Variants in CIT observed in about 807,000 individuals in gnomAD.
The protein encoded by CIT is citron rho-interacting serine/threonine kinase.
In CIT, 79 loss-of-function variants were observed where a neutral mutation model predicts 272.7. That is an observed-to-expected ratio of 0.29 (90% CI 0.24 to 0.35). The LOEUF (loss-of-function observed/expected upper bound fraction) is 0.35, where lower values mean the gene tolerates loss of function less well. Among genes scored for constraint, CIT ranks in the 10% least tolerant of loss-of-function variants. The probability of loss-of-function intolerance (pLI) is 1.00; values close to 1 mark genes in which losing one functional copy is unlikely to be tolerated. For synonymous variants in CIT, 948 were observed against 995.6 expected, an observed-to-expected ratio of 0.95 and a Z score of 0.90; for missense variants, 1,909 against 2,618.3, an observed-to-expected ratio of 0.73 and a Z score of 5.91.
intron 10 of CIT, among the ~76,000 whole-genome samples, chr12:119,801,667 G>A (rs1057106797): frequency 1.5e-4 from 23 of 152,178 alleles, no homozygotes; most frequent in African/African-American, 5.3e-4. Flanking sequence ...CACTAACCAT[G>A]CATCCTTCAA....
chr12:119,709,011 C>T (rs1321679353), intron 39 of CIT, among the ~76,000 whole-genome samples: 1 of 148,396 alleles, frequency 6.7e-6, no homozygotes, highest in East Asian at 1.9e-4. Context: ...AGACAAAAGG[C>T]TGAGGAACCG....
Position 119,694,917 on chromosome 12 carries a change from A to C in CIT, c.5882+2742T>G, listed in dbSNP as rs1281852867. ...AACCTGTTTCTCCATAAAAGCAACA[A>C]GATCACTGGCAGTTGTCAAAATCAA... On this transcript the variant is annotated intron_variant, in intron 46 of 47. Transcript: ENST00000392521. This position sits in a 1 kb window ranked among gnomAD's most constrained non-coding sequence, Gnocchi z 4.5. 1.3e-5 allele frequency among the ~76,000 whole-genome samples: 2 copies of C among 152,206 alleles called. No individual in the cohort carries two copies. The highest frequency in any genetic ancestry group is 2.9e-5 in the Non-Finnish European group (2 of 68,040).
intron 32 of CIT, among the ~76,000 whole-genome samples, chr12:119,716,074 G>T (rs1957451228): frequency 6.6e-6 from 1 of 152,068 alleles, no homozygotes; most frequent in South Asian, 2.1e-4. Flanking sequence ...CCATTTTAAT[G>T]AGTTTAAAAG....
intron 22 of CIT, among the ~76,000 whole-genome samples, chr12:119,755,361 A>G (rs952764710): frequency 6.6e-6 from 1 of 152,194 alleles, no homozygotes; most frequent in African/African-American, 2.4e-5. Flanking sequence ...CCCTTGGAGA[A>G]CTGACTTCAT....
At chr12:119,818,976 C>T (rs553127697) in intron 9 of CIT, among the ~76,000 whole-genome samples, 1 of 152,236 alleles carries the variant, frequency 6.6e-6, no homozygotes, top group South Asian at 2.1e-4. Context: ...TAAGCATAAT[C>T]CCAAAGGCAT....
intron 6 of CIT, 143 bp downstream of exon 6, chr12:119,833,943 A>C: frequency 1.3e-6 from 1 of 796,886 alleles, no homozygotes; most frequent in Non-Finnish European, 1.9e-6. Context: ...GTTTGCTTTC[A>C]GCCAGTTATT....
chr12:119,747,600 G>C (rs1002554618), intron 23 of CIT, among the ~76,000 whole-genome samples: 1 of 146,774 alleles, frequency 6.8e-6, no homozygotes, highest in Non-Finnish European at 1.5e-5. Context: ...AGCACCTGTA[G>C]TCCCAGCTAC....
intron 19 of CIT, among the ~76,000 whole-genome samples, chr12:119,764,070 A>C (rs1399555060): frequency 1.3e-5 from 2 of 152,238 alleles, no homozygotes; most frequent in East Asian, 3.8e-4. Context: ...AATTAACTTA[A>C]GTTTCAGTTT....
chr12:119,865,767 G>A (rs1950495107), intron 3 of CIT, among the ~76,000 whole-genome samples: 1 of 151,384 alleles, frequency 6.6e-6, no homozygotes, highest in East Asian at 1.9e-4. Flanking sequence ...CTACTGAGGA[G>A]GCTGAGGCAG....
chr12:119,784,032 C>T lies in CIT; in HGVS notation c.1421G>A (p.Arg474Gln). Residue 474 changes from arginine (R) to glutamine (Q), a missense_variant, in exon 12 of 48, where the codon CGG (arginine) becomes CAG (glutamine). Arg to Gln is a conservative substitution (Grantham distance 43). Around this residue, in one of 8 missense-constraint regions of CIT, gnomAD observed 26 missense variants for 44.1 expected, o/e 0.59. Transcript: ENST00000392521. The surrounding 1 kb of genome is among the most constrained non-coding windows in gnomAD (Gnocchi z 4.7). The part of the protein sequence containing the change: ...KCHKMEQEMT[R>Q]LHRRVSEVEA... Reference sequence around the variant, plus strand: ...CACCTCTGACACTCTCCGATGTAACCGGGTCATTTCCTGCTCCATCTGAAA... The same window carrying T: ...CACCTCTGACACTCTCCGATGTAACTGGGTCATTTCCTGCTCCATCTGAAA... 1 of 1,612,002 alleles carries T rather than the reference C, an allele frequency of 6.2e-7. No homozygotes were observed. Among genetic ancestry groups the T allele is most frequent in the South Asian group, 1.1e-5 (1 of 90,586 alleles).
At chr12:119,876,771 G>A (rs59442639) in intron 1 of CIT, among the ~76,000 whole-genome samples, 7,380 of 152,246 alleles carry the variant, frequency 0.048, 280 homozygotes, top group African/African-American at 0.11. Context: ...AAAGCACTGA[G>A]GCAGGACCTG....
At chr12:119,776,957 G>A (rs1262981695) in intron 13 of CIT, 115 bp from the exon 14 acceptor site, 2 of 1,200,856 alleles carry the variant, frequency 1.7e-6, no homozygotes, top group Non-Finnish European at 2.4e-6. Flanking sequence ...AAGAGAGACT[G>A]GCAAAGAAAA....
chr12:119,698,079 G>A (rs1463338502), intron 44 of CIT, 25 bp from the exon 45 acceptor site: 3 of 1,601,110 alleles, frequency 1.9e-6, no homozygotes, highest in Admixed American at 3.3e-5. Flanking sequence ...TGCAGGCACA[G>A]TGTGGGCCAA....
chr12:119,832,111 C>A (rs1233258173), intron 7 of CIT, among the ~76,000 whole-genome samples: 3 of 152,182 alleles, frequency 2.0e-5, no homozygotes, highest in African/African-American at 7.2e-5. Context: ...TTCTCTTAGA[C>A]CTATCCTTTT....
At chr12:119,766,140 G>A (rs1478798440) in intron 19 of CIT, among the ~76,000 whole-genome samples, 2 of 152,078 alleles carry the variant, frequency 1.3e-5, no homozygotes, top group Non-Finnish European at 2.9e-5. Context: ...AGACCTAGGT[G>A]ATTGGTTGAT....
Position 119,728,455 on chromosome 12 carries a change from GA to G in CIT, c.3591+46del, listed in dbSNP as rs538059536. On this transcript the variant is annotated intron_variant, in intron 28 of 47. Transcript: ENST00000392521. This position sits in a 1 kb window ranked among gnomAD's most constrained non-coding sequence, Gnocchi z 4.3. ...TCCAAAAAAAAGAAGCCTATTAAAAGAAAAAAAAAATCCACTTGGCCCTTCT... is the reference window on the plus strand; with the variant it reads ...TCCAAAAAAAAGAAGCCTATTAAAAGAAAAAAAAATCCACTTGGCCCTTCT... The G allele has an allele frequency of 1.3e-3, 1,608 of 1,206,254 alleles. No individual in the cohort carries two copies. The highest frequency in any genetic ancestry group is 1.5e-3 in the Non-Finnish European group (1,254 of 852,980). 74.7% of individuals were successfully genotyped at this position (1,206,254 alleles called of 1,614,324 possible).
intron 10 of CIT, among the ~76,000 whole-genome samples, chr12:119,796,805 C>T (rs1965769353): frequency 6.6e-6 from 1 of 152,094 alleles, no homozygotes; most frequent in Non-Finnish European, 1.5e-5. Context: ...GTGAGAATGA[C>T]AGTCAGAGAG....
intron 10 of CIT, among the ~76,000 whole-genome samples, chr12:119,794,052 A>G (rs1369091001): frequency 6.6e-6 from 1 of 152,188 alleles, no homozygotes; most frequent in African/African-American, 2.4e-5. Context: ...ACTCATGCTC[A>G]GCTCAGAGAA....
intron 5 of CIT, among the ~76,000 whole-genome samples, chr12:119,845,330 A>G (rs1969717749): frequency 6.6e-6 from 1 of 151,946 alleles, no homozygotes; most frequent in Non-Finnish European, 1.5e-5. Flanking sequence ...GCCCAAGCAG[A>G]TGTCCACAGC....
Sources: gnomAD v4.1 joint callset for allele counts (sites outside exome capture counted in the v4.1 genomes callset) on GRCh38, gnomAD v4.1.1 for gene constraint, gnomAD v4.1.1 regional missense constraint, Gnocchi (gnomAD v3.1) non-coding constraint, MANE v1.5 for transcripts, NCBI Gene and HGNC (gene_info 2026-07-23, HGNC 2026-07-21) for gene names.